The following PHLPP1 variants were observed in gnomAD, a reference collection of about 807,000 sequenced individuals.
PHLPP1 encodes the protein PH domain leucine-rich repeat-containing protein phosphatase 1.
Under a neutral mutation model 117.2 loss-of-function variants are expected in PHLPP1, and 42 were observed. The ratio of observed to expected loss-of-function variants is 0.36; its 90% CI spans 0.28 to 0.46. PHLPP1 has a LOEUF of 0.46. Ranked by LOEUF, PHLPP1 falls within the 20% of genes least tolerant of loss-of-function variation. The pLI is 1.00. For missense variants in PHLPP1, 2,084 were observed against 2,241.9 expected (o/e 0.93, Z 1.42); for synonymous variants, 1,042 against 970.7 (o/e 1.07, Z -1.37).
intron 1 of PHLPP1, among the ~76,000 whole-genome samples, chr18:62,800,666 C>T (rs1038932923): frequency 1.6e-4 from 25 of 152,026 alleles, no homozygotes; most frequent in African/African-American, 6.0e-4. Context: ...TTGATATTTA[C>T]TTTGGTTCAT....
chr18:62,831,673 T>C (rs2144332893), intron 2 of PHLPP1, among the ~76,000 whole-genome samples: 1 of 152,178 alleles, frequency 6.6e-6, no homozygotes, highest in East Asian at 1.9e-4. Flanking sequence ...TCTAAATGTC[T>C]GATCTGTTTC....
rs142802948 is a variant in PHLPP1, at chr18:62,937,668, C to T, written c.2961-4050C>T. On this transcript the variant is annotated intron_variant, in intron 10 of 16. Coordinates refer to ENST00000262719, the MANE Select transcript of PHLPP1 (RefSeq NM_194449.4). ...TTTCTCAGCTTTGAGTTTTGTCTTT[C>T]GTGAAATATGAGAGGTTATATCTCT... Among the ~76,000 whole-genome samples, 54 of 152,138 alleles carry T rather than the reference C, an allele frequency of 3.5e-4. No homozygotes were observed. In the East Asian group the frequency reaches 8.9e-3, roughly 25 times the overall value.
intron 1 of PHLPP1, among the ~76,000 whole-genome samples, chr18:62,728,140 C>T (rs567385118): frequency 1.4e-3 from 209 of 151,880 alleles, no homozygotes; most frequent in African/African-American, 4.6e-3. Flanking sequence ...ACTAAAAATA[C>T]AAAAATTAGC....
Position 62,831,906 on chromosome 18 carries a change from C to T in PHLPP1, c.1773+1675C>T, listed in dbSNP as rs182738942. Reference sequence around the variant, plus strand: ...AAGATGCGTTTAGATTGATTTTAGTCGTTCATTTTGAAACCAATGCTGCTT... The same window carrying T: ...AAGATGCGTTTAGATTGATTTTAGTTGTTCATTTTGAAACCAATGCTGCTT... On this transcript the variant is annotated intron_variant, in intron 2 of 16. Coordinates refer to ENST00000262719, the MANE Select transcript of PHLPP1 (RefSeq NM_194449.4). Among the ~76,000 whole-genome samples, 392 of 152,252 alleles carry T rather than the reference C, an allele frequency of 2.6e-3. 9 individuals carry two copies. Among genetic ancestry groups the T allele is most frequent in the Non-Finnish European group, 3.1e-4 (21 of 68,022 alleles).
intron 4 of PHLPP1, among the ~76,000 whole-genome samples, chr18:62,875,018 G>A (rs754364080): frequency 1.3e-4 from 20 of 152,312 alleles, no homozygotes; most frequent in Non-Finnish European, 2.2e-4. Context: ...ACAGTGGCGC[G>A]ATCTTGGCTC....
intron 14 of PHLPP1, among the ~76,000 whole-genome samples, chr18:62,965,838 A>T (rs1405223774): frequency 4.0e-5 from 5 of 126,042 alleles, no homozygotes; most frequent in African/African-American, 7.9e-5. Flanking sequence ...ACTATACTTT[A>T]AAAAAAAAAA....
At chr18:62,869,787 A>G (rs1915853929) in intron 4 of PHLPP1, among the ~76,000 whole-genome samples, 1 of 152,248 alleles carries the variant, frequency 6.6e-6, no homozygotes, top group African/African-American at 2.4e-5. Flanking sequence ...TGCTTTAAGC[A>G]TGGGGAAGAT....
Position 62,790,100 on chromosome 18 carries a change from A to AT in PHLPP1, c.1577-39929dup, listed in dbSNP as rs1432079652. Reference sequence around the variant, plus strand: ...AAAAGAGAGTCAATGCTTTCCATGAATTTTTTACAAATTTGGAAAGGTAAG... The same window carrying AT: ...AAAAGAGAGTCAATGCTTTCCATGAATTTTTTTACAAATTTGGAAAGGTAAG... On this transcript the variant is annotated intron_variant, in intron 1 of 16. Coordinates refer to ENST00000262719, the MANE Select transcript of PHLPP1 (RefSeq NM_194449.4). Among the ~76,000 whole-genome samples, 6 of 152,200 alleles carry AT rather than the reference A, an allele frequency of 3.9e-5. No homozygotes were observed. The East Asian group carries it at 1.2e-3, about 29-fold the overall frequency.
intron 4 of PHLPP1, among the ~76,000 whole-genome samples, chr18:62,866,246 T>C (rs1017707380): frequency 6.6e-6 from 1 of 151,570 alleles, no homozygotes; most frequent in African/African-American, 2.4e-5. Context: ...TTTTGTGTTT[T>C]TTGTTTTTTT....
At chr18:62,747,756 G>C (rs949616417) in intron 1 of PHLPP1, among the ~76,000 whole-genome samples, 9 of 152,180 alleles carry the variant, frequency 5.9e-5, no homozygotes, top group Non-Finnish European at 1.3e-4. Flanking sequence ...CTGGGCTCAA[G>C]TGATCCTCTC....
chr18:62,945,069 A>G, intron 11 of PHLPP1, 40 bp from the exon 12 acceptor site: 3 of 1,415,438 alleles, frequency 2.1e-6, no homozygotes, highest in Non-Finnish European at 2.9e-6. Context: ...CTCGTCCTAT[A>G]TTATTTTCTT....
chr18:62,753,084 T>C (rs1911909128), intron 1 of PHLPP1, among the ~76,000 whole-genome samples: 1 of 152,168 alleles, frequency 6.6e-6, no homozygotes, highest in Admixed American at 6.5e-5. Context: ...GGAAACCAGG[T>C]AATAGAATAA....
At chr18:62,963,199 C>T (rs530491124) in intron 13 of PHLPP1, among the ~76,000 whole-genome samples, 169 bp from the exon 14 acceptor site, 4 of 152,238 alleles carry the variant, frequency 2.6e-5, no homozygotes, top group Admixed American at 1.3e-4. Flanking sequence ...TTCATTACAA[C>T]GAGTAGCTGG....
intron 1 of PHLPP1, among the ~76,000 whole-genome samples, chr18:62,794,545 T>C (rs1240219443): frequency 6.6e-6 from 1 of 152,128 alleles, no homozygotes; most frequent in East Asian, 1.9e-4. Flanking sequence ...GTTTTGATTT[T>C]TTTTCTTTTT....
intron 3 of PHLPP1, among the ~76,000 whole-genome samples, chr18:62,856,987 G>A (rs920727661): frequency 6.6e-6 from 1 of 150,786 alleles, no homozygotes; most frequent in African/African-American, 2.4e-5. Context: ...TTATTTATTT[G>A]TAAAGAAAGC....
At chr18:62,866,584 G>A (rs1599091718) in intron 4 of PHLPP1, among the ~76,000 whole-genome samples, 1 of 152,084 alleles carries the variant, frequency 6.6e-6, no homozygotes, top group Non-Finnish European at 1.5e-5. Context: ...AGTTAATGCC[G>A]ATGAATGTTA....
At chr18:62,874,245 C>T (rs1010473498) in intron 4 of PHLPP1, among the ~76,000 whole-genome samples, 1 of 150,892 alleles carries the variant, frequency 6.6e-6, no homozygotes, top group Non-Finnish European at 1.5e-5. Flanking sequence ...AGGTGACTCA[C>T]GCCTGTAATC....
chr18:62,932,768 C>A (rs956045089), intron 10 of PHLPP1, among the ~76,000 whole-genome samples: 7 of 152,090 alleles, frequency 4.6e-5, no homozygotes. Context: ...CTAGCCAGAG[C>A]AGTCAGGCAA....
chr18:62,977,854 G>C (rs1169319338), intron 16 of PHLPP1, among the ~76,000 whole-genome samples: 1 of 152,206 alleles, frequency 6.6e-6, no homozygotes, highest in African/African-American at 2.4e-5. Flanking sequence ...GCCCGTCTGA[G>C]GGCCGATCCT....
Sources: gnomAD v4.1 joint callset for allele counts (sites outside exome capture counted in the v4.1 genomes callset) on GRCh38, gnomAD v4.1.1 for gene constraint, MANE v1.5 for transcripts, NCBI Gene and HGNC (gene_info 2026-07-23, HGNC 2026-07-21) for gene names.